CDH13: variants seen among roughly 807,000 people sequenced by gnomAD.
CDH13 encodes cadherin-13.
CDH13 carries 24 observed loss-of-function variants against 63.8 expected under a neutral mutation model. The ratio of observed to expected loss-of-function variants is 0.38; its 90% CI spans 0.27 to 0.53. The LOEUF (loss-of-function observed/expected upper bound fraction) is 0.53. Ranked by LOEUF, CDH13 falls within the 20% of genes least tolerant of loss-of-function variation. CDH13 has a pLI of 0.85. For synonymous variants in CDH13, 503 were observed against 355.3 expected, an observed-to-expected ratio of 1.42 and a Z score of -4.67; for missense variants, 1,049 against 903.1, an observed-to-expected ratio of 1.16 and a Z score of -2.07.
In CDH13 at chr16:82,908,576, A is replaced by T. The variant is rs542859409; in HGVS notation, c.157+50103A>T. Among the ~76,000 whole-genome samples the T allele has an allele frequency of 2.0e-5, 3 of 152,304 alleles. No individual in the cohort carries two copies. The East Asian group carries it at 5.8e-4, about 29-fold the overall frequency. On this transcript the variant is annotated intron_variant, in intron 2 of 13. Transcript: ENST00000567109. ...ACATTCTCATTTTAAATAGTTCAGAAAAACAGATATTCCCTTTTCCTCCTT... is the reference window on the plus strand; with the variant it reads ...ACATTCTCATTTTAAATAGTTCAGATAAACAGATATTCCCTTTTCCTCCTT...
chr16:83,081,988 C>G (rs546914891), intron 3 of CDH13, among the ~76,000 whole-genome samples: 4 of 152,036 alleles, frequency 2.6e-5, no homozygotes, highest in African/African-American at 9.7e-5. Context: ...TTAGTAGAGA[C>G]GGGGTTTCTT....
chr16:82,710,532 CAAAA>C (rs71913517), intron 1 of CDH13, among the ~76,000 whole-genome samples: 144 of 55,882 alleles, frequency 2.6e-3, no homozygotes, highest in African/African-American at 9.1e-3. Context: ...GACTCTGTCT[CAAAA>C]AAAAAAAAAA....
At chr16:83,292,519 G>C (rs950906419) in intron 5 of CDH13, among the ~76,000 whole-genome samples, 2 of 152,056 alleles carry the variant, frequency 1.3e-5, no homozygotes, top group Admixed American at 6.6e-5. Flanking sequence ...AAAAAGTGTA[G>C]AGCCATCTTT....
intron 7 of CDH13, among the ~76,000 whole-genome samples, chr16:83,511,931 A>T (rs951931232): frequency 6.6e-6 from 1 of 152,162 alleles, no homozygotes; most frequent in Admixed American, 6.5e-5. Flanking sequence ...CATAAAAGCA[A>T]TCACTGCATG....
rs185825181 is a variant in CDH13, at chr16:83,056,148, C to T, written c.366+23930C>T. Reference sequence around the variant, plus strand: ...CAAGGAAATGCAAAGGAAAACTACACGGAAATTATTCAGATACTATTATAC... The same window carrying T: ...CAAGGAAATGCAAAGGAAAACTACATGGAAATTATTCAGATACTATTATAC... On this transcript the variant is annotated intron_variant, in intron 3 of 13. Coordinates refer to ENST00000567109, the MANE Select transcript of CDH13 (RefSeq NM_001257.5). 2.2e-3 allele frequency among the ~76,000 whole-genome samples: 329 copies of T among 152,174 alleles called. 2 individuals are homozygous for T. Among genetic ancestry groups the T allele is most frequent in the Admixed American group, 2.7e-3 (41 of 15,280 alleles).
chr16:83,014,040 TC>T (rs1314165462), intron 2 of CDH13, among the ~76,000 whole-genome samples: 1 of 152,114 alleles, frequency 6.6e-6, no homozygotes, highest in East Asian at 1.9e-4. Flanking sequence ...CAAGACACTT[TC>T]TTCCCTCAAG....
intron 2 of CDH13, among the ~76,000 whole-genome samples, chr16:82,905,466 T>C (rs902643689): frequency 7.0e-6 from 1 of 143,092 alleles, no homozygotes; most frequent in African/African-American, 2.6e-5. Flanking sequence ...TGTGTGTGTG[T>C]GTAAGATAAT....
intron 1 of CDH13, among the ~76,000 whole-genome samples, chr16:82,690,515 A>G (rs1915542607): frequency 6.6e-6 from 1 of 152,172 alleles, no homozygotes; most frequent in Non-Finnish European, 1.5e-5. Context: ...AGATTAGCCT[A>G]AGCTATTCTG....
At chr16:83,707,689 C>G (rs968155348) in intron 10 of CDH13, among the ~76,000 whole-genome samples, 2 of 151,778 alleles carry the variant, frequency 1.3e-5, no homozygotes, top group Non-Finnish European at 2.9e-5. Flanking sequence ...ACATGCCGCA[C>G]TGTGCTATTG....
At position 82,858,450 on chromosome 16, in the gene CDH13, T is replaced by C. The variant is rs746605891; in HGVS notation, c.134T>C (p.Ile45Thr). 5.0e-6 allele frequency: 8 copies of C among 1,610,800 alleles called. No homozygotes were observed. The highest frequency in any genetic ancestry group is 2.2e-5 in the South Asian group (2 of 90,994). The change falls in exon 2 of 14, where the codon ATT becomes ACT. Residue 45 changes from isoleucine to threonine, a missense_variant. Coordinates refer to ENST00000567109, the MANE Select transcript of CDH13 (RefSeq NM_001257.5). ...VFHINQPAEF[I>T]EDQSILNLTF... The stretch of plus-strand genomic sequence containing the variant: ...CATATCAATCAGCCAGCTGAATTCA[T>C]TGAGGACCAGTCAATTCTAAACTGT...
chr16:83,425,548 C>G (rs1186806805), intron 6 of CDH13, among the ~76,000 whole-genome samples: 2 of 152,200 alleles, frequency 1.3e-5, no homozygotes, highest in African/African-American at 4.8e-5. Context: ...AGCTCATTAA[C>G]TCCCTCAAAA....
chr16:83,226,883 C>A (rs2039856531), intron 5 of CDH13, among the ~76,000 whole-genome samples: 1 of 152,140 alleles, frequency 6.6e-6, no homozygotes, highest in African/African-American at 2.4e-5. Context: ...TCCCGCCACC[C>A]ATTAGCCATC....
At chr16:83,069,415 C>G (rs1033460452) in intron 3 of CDH13, among the ~76,000 whole-genome samples, 7 of 152,112 alleles carry the variant, frequency 4.6e-5, no homozygotes, top group African/African-American at 1.7e-4. Context: ...TATAGAAACA[C>G]CTACTACGTG....
chr16:82,943,686 A>G (rs774811282), intron 2 of CDH13, among the ~76,000 whole-genome samples: 1 of 152,226 alleles, frequency 6.6e-6, no homozygotes, highest in Non-Finnish European at 1.5e-5. Flanking sequence ...ACTTTGGAGA[A>G]CAAAGAAATA....
chr16:82,798,160 A>G (rs1224094377), intron 1 of CDH13, among the ~76,000 whole-genome samples: 1 of 152,198 alleles, frequency 6.6e-6, no homozygotes, highest in Admixed American at 6.5e-5. Flanking sequence ...TCTACCGGAA[A>G]CCAGGTTGCT....
intron 3 of CDH13, among the ~76,000 whole-genome samples, chr16:83,065,709 A>AG (rs2031951609): frequency 1.1e-5 from 1 of 88,934 alleles, no homozygotes; most frequent in Admixed American, 1.2e-4. Context: ...GTCTCAAAAA[A>AG]AAACAAAAAA....
At chr16:83,255,805 G>C (rs1166442930) in intron 5 of CDH13, among the ~76,000 whole-genome samples, 3 of 152,068 alleles carry the variant, frequency 2.0e-5, no homozygotes, top group Non-Finnish European at 2.9e-5. Flanking sequence ...TAACTCTTCT[G>C]CCTCCTGATT....
chr16:83,254,613 CT>C (rs1376329874), intron 5 of CDH13, among the ~76,000 whole-genome samples: 1 of 152,138 alleles, frequency 6.6e-6, no homozygotes, highest in Non-Finnish European at 1.5e-5. Flanking sequence ...TCTGCTTGTA[CT>C]TCTGCCTTAT....
chr16:83,290,817 C>T, intron 5 of CDH13, among the ~76,000 whole-genome samples: 1 of 152,106 alleles, frequency 6.6e-6, no homozygotes, highest in Non-Finnish European at 1.5e-5. Flanking sequence ...GACCATGCAT[C>T]TTCACTCAGG....
Sources: allele counts gnomAD v4.1 joint callset (sites outside exome capture counted in the v4.1 genomes callset), GRCh38; gene constraint gnomAD v4.1.1; transcripts MANE v1.5; gene names NCBI Gene and HGNC (gene_info 2026-07-23, HGNC 2026-07-21).